Variants in DMXL2 observed in about 807,000 individuals in gnomAD.
DMXL2 encodes the protein Dmx like 2.
In DMXL2, 103 loss-of-function variants were observed where a neutral mutation model predicts 331.1. The observed-to-expected ratio is 0.31, with a 90% confidence interval of 0.27 to 0.37. The LOEUF (loss-of-function observed/expected upper bound fraction) is 0.37, where lower values mean the gene tolerates loss of function less well. DMXL2 is among the 10% of genes least tolerant of loss of function. DMXL2 has a pLI of 1.00. For synonymous variants in DMXL2, 1,281 were observed against 1,252.1 expected, an observed-to-expected ratio of 1.02 and a Z score of -0.49; for missense variants, 3,171 against 3,642.9, an observed-to-expected ratio of 0.87 and a Z score of 3.33.
chr15:51,549,434 G>A lies in DMXL2; in HGVS notation c.568-2026C>T, dbSNP rs150958788. 1.8e-4 allele frequency among the ~76,000 whole-genome samples: 28 copies of A among 152,262 alleles called. No homozygotes were observed. The East Asian group carries it at 4.2e-3, about 23-fold the overall frequency. Reference sequence around the variant, plus strand: ...TGCTGCTATAAACATGCATGTGCAAGTATCTTTTTCATATAATGACTTCTT... The same window carrying A: ...TGCTGCTATAAACATGCATGTGCAAATATCTTTTTCATATAATGACTTCTT... On this transcript the variant is annotated intron_variant, in intron 6 of 43. Coordinates refer to ENST00000560891, the MANE Select transcript of DMXL2 (RefSeq NM_001378457.1).
At chr15:51,621,205 AG>A (rs1262655409) in intron 1 of DMXL2, among the ~76,000 whole-genome samples, 1 of 152,202 alleles carries the variant, frequency 6.6e-6, no homozygotes, top group Non-Finnish European at 1.5e-5. Flanking sequence ...TCTAAACTGG[AG>A]CTAGGCCAAG....
At chr15:51,541,328 CTTTA>C (rs1421272774) in intron 9 of DMXL2, among the ~76,000 whole-genome samples, 3 of 151,936 alleles carry the variant, frequency 2.0e-5, no homozygotes, top group African/African-American at 7.2e-5. Flanking sequence ...TAATAATATA[CTTTA>C]TTTGACTCAA....
intron 39 of DMXL2, 118 bp downstream of exon 39, chr15:51,455,948 G>C: frequency 8.3e-7 from 1 of 1,206,094 alleles, no homozygotes; most frequent in Non-Finnish European, 1.2e-6. Context: ...CCAACAAACT[G>C]TCTACTCAGT....
chr15:51,514,809 AG>A (rs201286867), intron 14 of DMXL2, among the ~76,000 whole-genome samples: 1,706 of 147,060 alleles, frequency 0.012, 27 homozygotes, highest in East Asian at 0.025. Flanking sequence ...ACAAATCAAC[AG>A]GTTTGCTTCT....
chr15:51,516,750 A>T (rs1346877336), intron 14 of DMXL2, among the ~76,000 whole-genome samples: 1 of 152,214 alleles, frequency 6.6e-6, no homozygotes, highest in Middle Eastern at 3.2e-3. Context: ...AGTAGTGTAC[A>T]CTGTACCTAA....
chr15:51,564,084 G>T, intron 5 of DMXL2, 41 bp downstream of exon 5: 1 of 1,547,816 alleles, frequency 6.5e-7, no homozygotes, highest in Non-Finnish European at 8.7e-7. Flanking sequence ...GGAAGCACTT[G>T]CTTTTAATTA....
At chr15:51,548,594 G>A (rs1206776767) in intron 6 of DMXL2, among the ~76,000 whole-genome samples, 2 of 151,902 alleles carry the variant, frequency 1.3e-5, no homozygotes, top group East Asian at 1.9e-4. Context: ...ACAGGTACCC[G>A]AGAGCCCCTC....
chr15:51,621,043 G>A (rs955769824), intron 1 of DMXL2, among the ~76,000 whole-genome samples: 3 of 152,150 alleles, frequency 2.0e-5, no homozygotes, highest in Non-Finnish European at 2.9e-5. Flanking sequence ...CTAACCCTGA[G>A]GAACTTCCTA....
chr15:51,577,524 G>A (rs988511149), intron 1 of DMXL2, among the ~76,000 whole-genome samples: 4 of 152,182 alleles, frequency 2.6e-5, no homozygotes, highest in African/African-American at 9.7e-5. Context: ...AGGAGGAAAT[G>A]ATCACTTACA....
rs1476216643 is a variant in DMXL2 at position 51,471,374 on chromosome 15, T to C, written c.7241A>G (p.Asp2414Gly). Residue 2414 changes from aspartate (D) to glycine (G), a missense_variant, in exon 29 of 44, where the codon GAT becomes GGT. Physicochemically the swap from Asp to Gly is moderately conservative, Grantham distance 94. Transcript: ENST00000560891. ...CATGTTAAATCTCCTACGGTGTTTA[T>C]CTATGTCTTCAGAAAGGACAGGAGG... ...SAPPVLSEDI[D>G]KHRRRFNMRM... The C allele has an allele frequency of 3.7e-6, 6 of 1,612,848 alleles. No homozygotes were observed. The highest frequency in any genetic ancestry group is 5.1e-6 in the Non-Finnish European group (6 of 1,179,288).
At chr15:51,553,675 A>ACATCCAC (rs1208464184) in intron 6 of DMXL2, among the ~76,000 whole-genome samples, 1 of 152,084 alleles carries the variant, frequency 6.6e-6, no homozygotes, top group Non-Finnish European at 1.5e-5. Flanking sequence ...ATGACCATCT[A>ACATCCAC]CATCCACTTA....
chr15:51,451,206 T>C (rs78474015), intron 42 of DMXL2, among the ~76,000 whole-genome samples: 1,758 of 152,292 alleles, frequency 0.012, 27 homozygotes, highest in East Asian at 0.025. Flanking sequence ...GGTGGGAGGA[T>C]AGCTTGACCC....
intron 1 of DMXL2, among the ~76,000 whole-genome samples, chr15:51,593,491 C>G (rs1271858935): frequency 6.6e-6 from 1 of 152,160 alleles, no homozygotes; most frequent in Non-Finnish European, 1.5e-5. Flanking sequence ...CCACTGTCAA[C>G]ATTAGACAGA....
At chr15:51,574,850 T>C (rs1377895548) in intron 2 of DMXL2, among the ~76,000 whole-genome samples, 1 of 152,234 alleles carries the variant, frequency 6.6e-6, no homozygotes, top group Non-Finnish European at 1.5e-5. Flanking sequence ...AGAATGTGTG[T>C]TCATTGCGAT....
intron 1 of DMXL2, among the ~76,000 whole-genome samples, chr15:51,616,327 T>G (rs1484686388): frequency 1.3e-5 from 2 of 152,010 alleles, no homozygotes; most frequent in Non-Finnish European, 2.9e-5. Context: ...ATGAGAGGAT[T>G]TGAGAGTAAA....
At chr15:51,491,904 T>C (rs762277836) in intron 19 of DMXL2, among the ~76,000 whole-genome samples, 157 bp from the exon 20 acceptor site, 6 of 152,220 alleles carry the variant, frequency 3.9e-5, no homozygotes, top group African/African-American at 1.2e-4. Flanking sequence ...CTTTATACTA[T>C]AAAAGTTTCT....
chr15:51,453,477 GA>G lies in DMXL2; in HGVS notation c.8696+72del, dbSNP rs1287975208. 10 of 1,141,300 alleles carry G rather than the reference GA, an allele frequency of 8.8e-6. No individual in the cohort carries two copies. In the East Asian group the frequency reaches 2.7e-4, roughly 31 times the overall value. The allele number at this position is 1,141,300 out of a possible 1,614,324, so 70.7% of individuals were successfully genotyped here. A position where few individuals can be genotyped will look rare whatever the true frequency, so the allele number is the denominator to read the frequency against. On this transcript the variant is annotated intron_variant, in intron 41 of 43. Coordinates refer to ENST00000560891, the MANE Select transcript of DMXL2 (RefSeq NM_001378457.1). ...CTAGAGTGGAAAAACCCTACTAATA[GA>G]AAAGTATTCTTGCTAAAGGTATGGA...
In DMXL2 at chr15:51,471,419, G is replaced by GAAAAAAAAAAA; in HGVS notation, c.7214-19_7214-18insTTTTTTTTTTT. 6.5e-7 allele frequency: 1 copy of GAAAAAAAAAAA among 1,538,580 alleles called. No individual in the cohort carries two copies. Among genetic ancestry groups the GAAAAAAAAAAA allele is most frequent in the Non-Finnish European group, 8.8e-7 (1 of 1,140,224 alleles). On this transcript the variant is annotated intron_variant, in intron 28 of 43. Coordinates refer to ENST00000560891, the MANE Select transcript of DMXL2 (RefSeq NM_001378457.1). ...AGGAGGTGCTAAATGAAGATAGAAGGAAAAAAAAATCTAGCATTCATTTTC... is the reference window on the plus strand; with the variant it reads ...AGGAGGTGCTAAATGAAGATAGAAGGAAAAAAAAAAAAAAAAAAAATCTAGCATTCATTTTC...
intron 19 of DMXL2, among the ~76,000 whole-genome samples, chr15:51,494,119 G>A (rs2042994614): frequency 6.6e-6 from 1 of 151,998 alleles, no homozygotes; most frequent in South Asian, 2.1e-4. Flanking sequence ...TACATGCCAA[G>A]GTACAAGGTT....
Sources: allele counts gnomAD v4.1 joint callset (sites outside exome capture counted in the v4.1 genomes callset), GRCh38; gene constraint gnomAD v4.1.1; transcripts MANE v1.5; gene names NCBI Gene and HGNC (gene_info 2026-07-23, HGNC 2026-07-21).